Variants in MSH3 observed in about 807,000 individuals in gnomAD.
MSH3 encodes DNA mismatch repair protein Msh3.
Under a neutral mutation model 123.3 loss-of-function variants are expected in MSH3, and 106 were observed. That is an observed-to-expected ratio of 0.86 (90% CI 0.73 to 1.01). The LOEUF (loss-of-function observed/expected upper bound fraction) is 1.01, where lower values mean the gene tolerates loss of function less well. MSH3 is among the 50% of genes least tolerant of loss of function. The probability of loss-of-function intolerance (pLI) is 0.00; values close to 1 mark genes in which losing one functional copy is unlikely to be tolerated. For missense variants in MSH3, 1,459 were observed against 1,347.6 expected, an observed-to-expected ratio of 1.08 and a Z score of -1.29; for synonymous variants, 515 against 481.4, an observed-to-expected ratio of 1.07 and a Z score of -0.91.
At chr5:80,832,411 G>A (rs1745435306) in intron 20 of MSH3, among the ~76,000 whole-genome samples, 1 of 152,144 alleles carries the variant, frequency 6.6e-6, no homozygotes, top group South Asian at 2.1e-4. Flanking sequence ...CCTGAGGTCA[G>A]GAGTTAAAGA....
At position 80,786,276 on chromosome 5, in the gene MSH3, A is replaced by G. The variant is rs1744507990; in HGVS notation, c.2436-1289A>G. ...TAAAATTGCACTGTGAAGTAGGGTG[A>G]TAGGAAGAGCACAGTTTGAGTCTAG... On this transcript the variant is annotated intron_variant, in intron 17 of 23. Transcript: ENST00000265081. Among the ~76,000 whole-genome samples the G allele has an allele frequency of 2.0e-5, 3 of 152,198 alleles. No homozygotes were observed. The South Asian group carries it at 6.2e-4, about 31-fold the overall frequency.
intron 19 of MSH3, among the ~76,000 whole-genome samples, chr5:80,804,666 G>A (rs1744853130): frequency 1.3e-5 from 2 of 152,322 alleles, no homozygotes; most frequent in South Asian, 4.1e-4. Flanking sequence ...CTAGAGCTGA[G>A]GGAGGGGTGA....
intron 18 of MSH3, among the ~76,000 whole-genome samples, chr5:80,790,492 ACAT>A (rs1013377029): frequency 6.6e-6 from 1 of 152,124 alleles, no homozygotes; most frequent in Non-Finnish European, 1.5e-5. Context: ...GTATCTTGGA[ACAT>A]TTTGTTATTT....
chr5:80,866,479 A>G (rs376502961), intron 22 of MSH3, among the ~76,000 whole-genome samples: 94 of 152,330 alleles, frequency 6.2e-4, no homozygotes, highest in African/African-American at 1.9e-3. Context: ...TTAAAATTCA[A>G]TGGTGCTAAA....
intron 13 of MSH3, among the ~76,000 whole-genome samples, chr5:80,763,442 A>G (rs1744075951): frequency 6.6e-6 from 1 of 152,230 alleles, no homozygotes. Context: ...TGGCAATAGC[A>G]GAAGCTGTGC....
At chr5:80,732,235 T>G (rs1367363341) in intron 10 of MSH3, among the ~76,000 whole-genome samples, 2 of 152,198 alleles carry the variant, frequency 1.3e-5, no homozygotes, top group Non-Finnish European at 2.9e-5. Context: ...GGAATCCACT[T>G]TTTGTTGTTA....
intron 20 of MSH3, among the ~76,000 whole-genome samples, chr5:80,852,326 AAAAACAAAAAAC>A (rs1452025242): frequency 1.3e-4 from 20 of 152,330 alleles, no homozygotes; most frequent in Admixed American, 2.0e-4. Flanking sequence ...AGCCTGTCTC[AAAAACAAAAAAC>A]AAAACAAAAA....
rs549364518 is a variant in MSH3 at position 80,771,960 on chromosome 5, T to C, written c.2253+2957T>C. On this transcript the variant is annotated intron_variant, in intron 15 of 23. Coordinates refer to ENST00000265081, the MANE Select transcript of MSH3 (RefSeq NM_002439.5). ...AATGTACATACATTATTATGTATTA[T>C]GTAATGAACGTATGTATGAATGTTT... Among the ~76,000 whole-genome samples, 8 of 152,338 alleles carry C rather than the reference T, an allele frequency of 5.3e-5. No individual in the cohort carries two copies. The East Asian group carries it at 1.5e-3, about 29-fold the overall frequency.
chr5:80,707,557 TAA>T (rs879781172), intron 8 of MSH3, among the ~76,000 whole-genome samples: 1 of 138,772 alleles, frequency 7.2e-6, no homozygotes. Flanking sequence ...ACCCTGGCTC[TAA>T]AAAAAAAAAC....
chr5:80,666,154 G>A (rs1171628294), intron 3 of MSH3, among the ~76,000 whole-genome samples: 1 of 152,128 alleles, frequency 6.6e-6, no homozygotes, highest in African/African-American at 2.4e-5. Flanking sequence ...CAAACTTCTG[G>A]TCTCAAGCAA....
Position 80,692,855 on chromosome 5 carries a change from G to A in MSH3, c.1340+13762G>A, listed in dbSNP as rs558301784. On this transcript the variant is annotated intron_variant, in intron 8 of 23. Transcript: ENST00000265081. ...TGTATATGTTTAGATAAATATACAT[G>A]CACATGTATATGTTTAGATAAATAT... 1.5e-3 allele frequency among the ~76,000 whole-genome samples: 164 copies of A among 108,774 alleles called. 5 individuals carry two copies. The highest frequency in any genetic ancestry group is 4.5e-3 in the African/African-American group (131 of 29,230). The allele number at this position is 108,774 out of a possible 152,430, so 71.4% of individuals were successfully genotyped here. A position where few individuals can be genotyped will look rare whatever the true frequency, so the allele number is the denominator to read the frequency against.
At chr5:80,735,445 G>A (rs1460459591) in intron 10 of MSH3, among the ~76,000 whole-genome samples, 7 of 151,132 alleles carry the variant, frequency 4.6e-5, no homozygotes. Context: ...CCAGCGCTTT[G>A]GGAGGTCAAG....
intron 8 of MSH3, among the ~76,000 whole-genome samples, chr5:80,721,862 A>G (rs1208887869): frequency 6.6e-6 from 1 of 152,166 alleles, no homozygotes; most frequent in African/African-American, 2.4e-5. Context: ...CATAATATTG[A>G]GGGAGGGAGT....
At position 80,654,908 on chromosome 5, in the gene MSH3, G is replaced by GCGCCCC. The variant is rs1554066079; in HGVS notation, c.182_183insGCCCCC (p.Ala61_Ala62insProPro). ...AGCGGCTGCAGCGGCCGCAGCGGCC[G>GCGCCCC]CAGCGCCCCCAGCGCCCCCAGCTCC... On this transcript the variant is annotated inframe_insertion, in exon 1 of 24. Transcript: ENST00000265081. The GCGCCCC allele has an allele frequency of 6.5e-4, 1,007 of 1,539,208 alleles. 12 individuals carry two copies. In the African/African-American group the frequency reaches 0.011, roughly 17 times the overall value.
At chr5:80,847,580 T>C (rs572439430) in intron 20 of MSH3, among the ~76,000 whole-genome samples, 1 of 152,276 alleles carries the variant, frequency 6.6e-6, no homozygotes, top group South Asian at 2.1e-4. Context: ...CTGATTCTCA[T>C]CCCTTGCTTA....
chr5:80,687,516 G>A (rs1474168437), intron 8 of MSH3, among the ~76,000 whole-genome samples: 1 of 152,178 alleles, frequency 6.6e-6, no homozygotes, highest in Non-Finnish European at 1.5e-5. Flanking sequence ...AAGGCTGTAT[G>A]AAGGAGGTGG....
intron 19 of MSH3, among the ~76,000 whole-genome samples, chr5:80,793,184 A>C (rs188098984): frequency 1.3e-5 from 2 of 152,216 alleles, no homozygotes; most frequent in Admixed American, 6.5e-5. Context: ...CATCCTTTGT[A>C]CTGTGACTAT....
In MSH3 at chr5:80,875,792, A is replaced by T. The variant is rs1177481443; in HGVS notation, c.3344A>T (p.Asn1115Ile). ...KYFAKLWTMH[N>I]AQDLQKWTEE... ...TTTGCAAAGTTATGGACGATGCATA[A>T]TGCACAAGACCTGCAGAAGTGGACA... Residue 1115 changes from asparagine (N) to isoleucine (I), a missense_variant, in exon 24 of 24, where the codon AAT (asparagine) becomes ATT (isoleucine). Coordinates refer to ENST00000265081, the MANE Select transcript of MSH3 (RefSeq NM_002439.5). The T allele has an allele frequency of 1.2e-6, 2 of 1,614,006 alleles. No individual in the cohort carries two copies. Among genetic ancestry groups the T allele is most frequent in the East Asian group, 2.2e-5 (1 of 44,860 alleles).
chr5:80,839,778 A>G (rs1745584541), intron 20 of MSH3, among the ~76,000 whole-genome samples: 1 of 152,156 alleles, frequency 6.6e-6, no homozygotes, highest in Admixed American at 6.5e-5. Flanking sequence ...ACTTTCAAAA[A>G]TTATAATTAC....
Sources: allele counts gnomAD v4.1 joint callset (sites outside exome capture counted in the v4.1 genomes callset), GRCh38; gene constraint gnomAD v4.1.1; transcripts MANE v1.5; gene names NCBI Gene and HGNC (gene_info 2026-07-23, HGNC 2026-07-21).